ASTN1: variants seen among roughly 807,000 people sequenced by gnomAD.
The protein encoded by ASTN1 is astrotactin-1.
ASTN1 carries 41 observed loss-of-function variants against 140.7 expected under a neutral mutation model. The ratio of observed to expected loss-of-function variants is 0.29; its 90% confidence interval spans 0.23 to 0.38. ASTN1 has a LOEUF of 0.38. Ranked by LOEUF, ASTN1 falls within the 10% of genes least tolerant of loss-of-function variation. ASTN1 has a pLI of 1.00. For synonymous variants in ASTN1, 640 were observed against 652.2 expected (o/e 0.98, Z 0.29); for missense variants, 1,479 against 1,678.8 (o/e 0.88, Z 2.08).
chr1:177,034,673 G>A (rs1275734985), intron 2 of ASTN1, among the ~76,000 whole-genome samples: 1 of 152,072 alleles, frequency 6.6e-6, no homozygotes, highest in Admixed American at 6.5e-5. Flanking sequence ...TTGACAGCGA[G>A]TATTTGTGTC....
At chr1:176,951,186 C>T (rs1039528004) in intron 11 of ASTN1, among the ~76,000 whole-genome samples, 2 of 152,222 alleles carry the variant, frequency 1.3e-5, no homozygotes, top group South Asian at 2.1e-4. Flanking sequence ...AGGGCTGCCT[C>T]GTGCTGTGCA....
Position 177,030,882 on chromosome 1 carries a change from G to A in ASTN1, c.936C>T (p.Asp312=), listed in dbSNP as rs768053924. 8 of 1,614,172 alleles carry A rather than the reference G, an allele frequency of 5.0e-6. No individual in the cohort carries two copies. The highest frequency in any genetic ancestry group is 5.9e-6 in the Non-Finnish European group (7 of 1,180,030). The part of the protein sequence containing the change: ...KDNIIATSPV[D]SNHQQATLLS... The stretch of plus-strand genomic sequence containing the variant: ...GAAGGGTGGCTTGCTGGTGGTTGGA[G>A]TCCACAGGGCTAGTGGCTATAATAT... The change falls in exon 4 of 23, where the codon GAC becomes GAT. Residue 312 remains aspartate, a synonymous_variant. Transcript: ENST00000361833.
intron 11 of ASTN1, among the ~76,000 whole-genome samples, chr1:176,955,167 C>T (rs757037984): frequency 1.8e-4 from 27 of 152,084 alleles, no homozygotes; most frequent in Admixed American, 2.0e-4. Flanking sequence ...AGTTCAGCAC[C>T]CAGAGGACTA....
At chr1:176,988,843 T>C (rs1050921025) in intron 8 of ASTN1, among the ~76,000 whole-genome samples, 6 of 152,204 alleles carry the variant, frequency 3.9e-5, no homozygotes, top group African/African-American at 1.4e-4. Context: ...TTAAGATGCA[T>C]AGCCTAGATA....
At chr1:177,129,752 A>T (rs1681849962) in intron 1 of ASTN1, among the ~76,000 whole-genome samples, 1 of 152,134 alleles carries the variant, frequency 6.6e-6, no homozygotes, top group Non-Finnish European at 1.5e-5. Context: ...GCAGATCATG[A>T]GGTCAGAAGA....
intron 8 of ASTN1, among the ~76,000 whole-genome samples, chr1:177,008,601 G>GAGAGA (rs1177006151): frequency 6.7e-6 from 1 of 150,220 alleles, no homozygotes; most frequent in Non-Finnish European, 1.5e-5. Flanking sequence ...AGGAGGAAGA[G>GAGAGA]AAGAAGAAGG....
chr1:176,920,746 A>T (rs997173766), intron 16 of ASTN1, among the ~76,000 whole-genome samples: 5 of 152,208 alleles, frequency 3.3e-5, no homozygotes, highest in Admixed American at 2.6e-4. Flanking sequence ...AACATCTAAA[A>T]TTCCACAGTG....
chr1:177,149,122 A>AATATATATAGTGC (rs1189641381), intron 1 of ASTN1, among the ~76,000 whole-genome samples: 1 of 103,622 alleles, frequency 9.7e-6, no homozygotes, highest in Non-Finnish European at 1.7e-5. Context: ...ATATATAGTA[A>AATATATATAGTGC]ATATATATAG....
intron 16 of ASTN1, among the ~76,000 whole-genome samples, chr1:176,903,206 G>A (rs1263891536): frequency 2.0e-5 from 3 of 152,186 alleles, no homozygotes; most frequent in East Asian, 1.9e-4. Flanking sequence ...GCACATATAC[G>A]TGGGGGAGTA....
At chr1:177,027,507 T>C (rs956537965) in intron 5 of ASTN1, among the ~76,000 whole-genome samples, 4 of 150,780 alleles carry the variant, frequency 2.7e-5, no homozygotes, top group African/African-American at 9.8e-5. Flanking sequence ...ATGTGCATGG[T>C]CCTTTGTTAG....
intron 2 of ASTN1, among the ~76,000 whole-genome samples, chr1:177,041,705 A>T (rs1356546204): frequency 6.6e-6 from 1 of 152,260 alleles, no homozygotes; most frequent in Non-Finnish European, 1.5e-5. Context: ...GAATTATTGA[A>T]CAAGTAACGG....
chr1:176,944,790 A>T (rs1255790322), intron 13 of ASTN1, among the ~76,000 whole-genome samples: 2 of 152,224 alleles, frequency 1.3e-5, no homozygotes, highest in African/African-American at 4.8e-5. Flanking sequence ...AGGCAGAGGC[A>T]GTCTCATTTC....
Position 177,161,411 on chromosome 1 carries a change from C to T in ASTN1, c.283+2983G>A, listed in dbSNP as rs777764016. Among the ~76,000 whole-genome samples the T allele has an allele frequency of 3.9e-5, 6 of 152,232 alleles. No homozygotes were observed. The South Asian group carries it at 1.0e-3, about 26-fold the overall frequency. ...TCACCTTTCCTAGTCCAAGCCAAGC[C>T]TAATCTACCTTTAATTTTGCACGTT... On this transcript the variant is annotated intron_variant, in intron 1 of 22. Coordinates refer to ENST00000361833, the MANE Select transcript of ASTN1 (RefSeq NM_004319.3).
In ASTN1 at chr1:177,021,068, T is replaced by C. The variant is rs140729331; in HGVS notation, c.1438+2336A>G. On this transcript the variant is annotated intron_variant, in intron 7 of 22. Coordinates refer to ENST00000361833, the MANE Select transcript of ASTN1 (RefSeq NM_004319.3). ...TTTGGAGAAAGGCTCTGGGATAGAGTGTGGGAGGCGATAAAGTTTCTTACT... is the reference window on the plus strand; with the variant it reads ...TTTGGAGAAAGGCTCTGGGATAGAGCGTGGGAGGCGATAAAGTTTCTTACT... Among the ~76,000 whole-genome samples the C allele has an allele frequency of 4.3e-4, 66 of 152,072 alleles. No homozygotes were observed. The South Asian group carries it at 4.4e-3, about 10-fold the overall frequency.
intron 2 of ASTN1, among the ~76,000 whole-genome samples, chr1:177,037,009 AG>A (rs1676749650): frequency 6.6e-6 from 1 of 152,012 alleles, no homozygotes. Context: ...TAGTAGAGAC[AG>A]GGTTTGACCA....
chr1:176,862,900 CAT>C lies in ASTN1; in HGVS notation c.*1382_*1383del. On this transcript the variant is annotated 3_prime_UTR_variant, in exon 23 of 23. Transcript: ENST00000361833. ...CTTGCATCTGTTTGCTGACCTTTCT[CAT>C]ATGTTTCCAGATGAGGAGCCCTGGT... 1.0e-5 allele frequency: 10 copies of C among 985,488 alleles called. No individual in the cohort carries two copies. The Middle Eastern group carries it at 3.1e-3, about 309-fold the overall frequency. The allele number at this position is 985,488 out of a possible 1,614,324, so 61.0% of individuals were successfully genotyped here. A position where few individuals can be genotyped will look rare whatever the true frequency, so the allele number is the denominator to read the frequency against.
intron 21 of ASTN1, among the ~76,000 whole-genome samples, chr1:176,870,998 T>C (rs1026405571): frequency 1.2e-4 from 18 of 152,166 alleles, no homozygotes; most frequent in Admixed American, 1.0e-3. Context: ...CAGGGTGAGA[T>C]GGAGTCAAAA....
intron 1 of ASTN1, among the ~76,000 whole-genome samples, chr1:177,151,589 T>A (rs1451842216): frequency 6.6e-6 from 1 of 152,112 alleles, no homozygotes; most frequent in Non-Finnish European, 1.5e-5. Context: ...TCTGAATAAC[T>A]TCATGGAGTA....
In ASTN1 at chr1:176,862,229, T is replaced by C; in HGVS notation, c.*2055A>G. 5.1e-6 allele frequency: 5 copies of C among 985,444 alleles called. No individual in the cohort carries two copies. The highest frequency in any genetic ancestry group is 6.0e-6 in the Non-Finnish European group (5 of 829,972). The allele number at this position is 985,444 out of a possible 1,614,324, so 61.0% of individuals were successfully genotyped here. A position where few individuals can be genotyped will look rare whatever the true frequency, so the allele number is the denominator to read the frequency against. ...TCTTTGCTTTGAAAGTAGGGGAATC[T>C]CTGAGGCAGGTGCATTAGAGAGTTT... On this transcript the variant is annotated 3_prime_UTR_variant, in exon 23 of 23. Coordinates refer to ENST00000361833, the MANE Select transcript of ASTN1 (RefSeq NM_004319.3).
Sources: gnomAD v4.1 joint callset for allele counts (sites outside exome capture counted in the v4.1 genomes callset) on GRCh38, gnomAD v4.1.1 for gene constraint, MANE v1.5 for transcripts, NCBI Gene and HGNC (gene_info 2026-07-23, HGNC 2026-07-21) for gene names.